Variants in LRIG1 observed in about 807,000 individuals in gnomAD.
LRIG1 encodes leucine rich repeats and immunoglobulin like domains 1.
A neutral mutation model predicts 99.2 loss-of-function variants in LRIG1; 48 were observed. That is an observed-to-expected ratio of 0.48 (90% confidence interval 0.38 to 0.62). The LOEUF is 0.62. LRIG1 is among the 20% of genes least tolerant of loss of function. The pLI is 0.00. For synonymous variants in LRIG1, 772 were observed against 596.1 expected (o/e 1.29, Z -4.30); for missense variants, 1,646 against 1,434.4 (o/e 1.15, Z -2.38).
At chr3:66,402,128 G>A (rs988410132) in intron 9 of LRIG1, among the ~76,000 whole-genome samples, 3 of 152,056 alleles carry the variant, frequency 2.0e-5, no homozygotes, top group Non-Finnish European at 2.9e-5. Flanking sequence ...CCCTCCCTCC[G>A]AGGAATGCCA....
At chr3:66,418,520 G>A (rs543881965) in intron 3 of LRIG1, among the ~76,000 whole-genome samples, 29 of 152,316 alleles carry the variant, frequency 1.9e-4, no homozygotes, top group South Asian at 1.2e-3. Flanking sequence ...GTTTGGCGCC[G>A]CCTGGCAGAG....
rs1701958543 is a variant in LRIG1 at position 66,399,025 on chromosome 3, T to C, written c.1177A>G (p.Lys393Glu). The change falls in exon 10 of 19, where the codon AAG (lysine) becomes GAG (glutamate). Residue 393 changes from lysine (K) to glutamate (E), a missense_variant. Physicochemically the swap from Lys to Glu is moderately conservative, Grantham distance 56 (BLOSUM62 1). Coordinates refer to ENST00000273261, the MANE Select transcript of LRIG1 (RefSeq NM_015541.3). ...SLSKLTLFGN[K>E]IKSVAKRAFS... ...GCTCTCTTAGCCACAGACTTGATCT[T>C]GTTTCCAAACAGAGTCCTGTAGTTT... The C allele has an allele frequency of 6.2e-7, 1 of 1,614,142 alleles. No individual in the cohort carries two copies.
intron 13 of LRIG1, 99 bp downstream of exon 13, chr3:66,385,882 G>C (rs1701347049): frequency 9.2e-7 from 1 of 1,092,442 alleles, no homozygotes; most frequent in African/African-American, 1.6e-5. Flanking sequence ...AAGCATGTGT[G>C]TGTCCTGTCT....
At chr3:66,480,995 G>A (rs2106895093) in intron 1 of LRIG1, among the ~76,000 whole-genome samples, 1 of 152,292 alleles carries the variant, frequency 6.6e-6, no homozygotes, top group South Asian at 2.1e-4. Flanking sequence ...GTAAAAGCTG[G>A]GAGGGTGGGG....
chr3:66,435,092 A>G (rs1411182386), intron 3 of LRIG1, among the ~76,000 whole-genome samples: 1 of 152,246 alleles, frequency 6.6e-6, no homozygotes, highest in African/African-American at 2.4e-5. Context: ...ATATTATGGA[A>G]TACAACTCTG....
chr3:66,406,639 G>C (rs1326426793), intron 8 of LRIG1, among the ~76,000 whole-genome samples: 2 of 152,144 alleles, frequency 1.3e-5, no homozygotes, highest in Non-Finnish European at 2.9e-5. Flanking sequence ...CCTCTCTGGG[G>C]GTTTTATGCT....
intron 3 of LRIG1, among the ~76,000 whole-genome samples, chr3:66,435,275 G>T (rs1442043012): frequency 6.6e-6 from 1 of 152,058 alleles, no homozygotes; most frequent in African/African-American, 2.4e-5. Context: ...TCAACCAGGG[G>T]GGGCTAGGCA....
intron 1 of LRIG1, among the ~76,000 whole-genome samples, chr3:66,471,617 C>T (rs1004239299): frequency 6.6e-6 from 1 of 152,198 alleles, no homozygotes; most frequent in African/African-American, 2.4e-5. Context: ...GAGGTAAAAC[C>T]CAGAGGTTCT....
chr3:66,459,014 C>CA (rs11437217), intron 2 of LRIG1, among the ~76,000 whole-genome samples: 80,523 of 121,696 alleles, frequency 0.66, 27,084 homozygotes, highest in East Asian at 0.9. Context: ...AACTCCATCT[C>CA]AAAAAAAAAA....
intron 7 of LRIG1, among the ~76,000 whole-genome samples, chr3:66,407,844 C>A (rs998913262): frequency 3.3e-5 from 5 of 152,216 alleles, no homozygotes; most frequent in African/African-American, 1.2e-4. Flanking sequence ...CTGATTCAGG[C>A]TACAAAAGAC....
chr3:66,468,477 T>A (rs1421955275), intron 1 of LRIG1, among the ~76,000 whole-genome samples: 1 of 152,234 alleles, frequency 6.6e-6, no homozygotes, highest in African/African-American at 2.4e-5. Context: ...GGCTAGCCTA[T>A]TTCCCATTAC....
intron 9 of LRIG1, among the ~76,000 whole-genome samples, chr3:66,399,500 T>C (rs1701977997): frequency 6.6e-6 from 1 of 152,142 alleles, no homozygotes; most frequent in Non-Finnish European, 1.5e-5. Flanking sequence ...TGACTGGGCA[T>C]GGTGGCTCAC....
intron 3 of LRIG1, among the ~76,000 whole-genome samples, chr3:66,447,712 T>C (rs1010726487): frequency 4.6e-5 from 7 of 152,178 alleles, no homozygotes; most frequent in Non-Finnish European, 7.4e-5. Flanking sequence ...ACCACATACA[T>C]TTTTACTCCC....
At chr3:66,493,994 G>A (rs1701171440) in intron 1 of LRIG1, among the ~76,000 whole-genome samples, 4 of 147,434 alleles carry the variant, frequency 2.7e-5, no homozygotes, top group Non-Finnish European at 4.5e-5. Context: ...GAGAAAGAGG[G>A]AAGGGAAGGG....
chr3:66,475,509 C>T (rs139280886), intron 1 of LRIG1, among the ~76,000 whole-genome samples: 16 of 152,336 alleles, frequency 1.1e-4, no homozygotes, highest in African/African-American at 3.8e-4. Flanking sequence ...CTCCCCACCA[C>T]ACTCAGTCCT....
chr3:66,402,358 G>A (rs926682714), intron 9 of LRIG1, among the ~76,000 whole-genome samples: 3 of 152,184 alleles, frequency 2.0e-5, no homozygotes, highest in African/African-American at 4.8e-5. Context: ...AAAGGCATGC[G>A]CTGGGGTCTA....
intron 1 of LRIG1, among the ~76,000 whole-genome samples, 188 bp downstream of exon 1, chr3:66,500,002 C>T (rs1455147973): frequency 6.6e-6 from 1 of 151,958 alleles, no homozygotes; most frequent in African/African-American, 2.4e-5. Flanking sequence ...CACGCCTACT[C>T]CCCCGGACCT....
At chr3:66,417,673 C>A in intron 3 of LRIG1, 1 of 171,566 alleles carries the variant, frequency 5.8e-6, no homozygotes, top group Admixed American at 5.6e-5. Flanking sequence ...TCATAACTTA[C>A]AAGAGCCATA....
At chr3:66,465,766 C>A (rs1700460342) in intron 1 of LRIG1, among the ~76,000 whole-genome samples, 1 of 152,174 alleles carries the variant, frequency 6.6e-6, no homozygotes, top group African/African-American at 2.4e-5. Flanking sequence ...TACCTTCACA[C>A]TGTTGTGCAA....
Sources: gnomAD v4.1 joint callset for allele counts (sites outside exome capture counted in the v4.1 genomes callset) on GRCh38, gnomAD v4.1.1 for gene constraint, MANE v1.5 for transcripts, NCBI Gene and HGNC (gene_info 2026-07-23, HGNC 2026-07-21) for gene names.